The following EXD1 variants were observed in gnomAD, a reference collection of about 807,000 sequenced individuals.
EXD1 encodes the protein piRNA biogenesis protein EXD1.
EXD1 carries 63 observed loss-of-function variants against 49.1 expected under a neutral mutation model. The ratio of observed to expected loss-of-function variants is 1.28; its 90% CI spans 1.05 to 1.58. EXD1 has a LOEUF of 1.58. EXD1 is among the 40% of genes most tolerant of loss of function. EXD1 has a pLI of 0.00. For synonymous variants in EXD1, 234 were observed against 239.2 expected, an observed-to-expected ratio of 0.98 and a Z score of 0.20; for missense variants, 748 against 666.0, an observed-to-expected ratio of 1.12 and a Z score of -1.36.
chr15:41,214,156 C>A (rs1463311462), intron 6 of EXD1, among the ~76,000 whole-genome samples: 1 of 151,630 alleles, frequency 6.6e-6, no homozygotes, highest in Non-Finnish European at 1.5e-5. Flanking sequence ...GAAAGAGACT[C>A]CATCTCAAAA....
In EXD1 at chr15:41,226,449, T is replaced by A. The variant is rs1260192519; in HGVS notation, c.127A>T (p.Lys43Ter). The A allele has an allele frequency of 1.3e-6, 2 of 1,535,902 alleles. No homozygotes were observed. The highest frequency in any genetic ancestry group is 3.9e-5 in the Admixed American group (2 of 50,944). ...ATAAGAAATAGAACAAGACCTTTCT[T>A]CAGGACAACAATCTTATTAGGGTCA... is the stretch of plus-strand genomic sequence containing the variant. The part of the protein sequence containing the change: ...HVDPNKIVVL[K>*]KVKNVETGRS... Residue 43 changes from lysine (K) to a stop codon, truncating the protein, a stop_gained, in exon 2 of 12, where the codon AAG (lysine) becomes TAG (stop). Coordinates refer to ENST00000458580, the MANE Select transcript of EXD1 (RefSeq NM_001286441.2). LOFTEE classifies it high-confidence loss of function.
At chr15:41,230,421 A>C in intron 1 of EXD1, 58 bp downstream of exon 1, 1 of 1,561,190 alleles carries the variant, frequency 6.4e-7, no homozygotes, top group East Asian at 2.2e-5. Context: ...CCATGAGAAT[A>C]AAATGCAAAA....
chr15:41,216,056 T>G (rs551607513), intron 5 of EXD1, among the ~76,000 whole-genome samples: 1 of 152,136 alleles, frequency 6.6e-6, no homozygotes, highest in East Asian at 1.9e-4. Flanking sequence ...ATTTAGCATC[T>G]GTTTGCTGCT....
intron 2 of EXD1, among the ~76,000 whole-genome samples, chr15:41,223,851 C>A (rs1390243803): frequency 6.6e-5 from 10 of 151,384 alleles, no homozygotes; most frequent in Non-Finnish European, 1.5e-4. Context: ...GGTGACACAG[C>A]GAGACTCTGT....
chr15:41,184,285 G>A lies in EXD1; in HGVS notation c.1365C>T (p.Pro455=). The A allele has an allele frequency of 1.9e-6, 3 of 1,614,132 alleles. No homozygotes were observed. Among genetic ancestry groups the A allele is most frequent in the Non-Finnish European group, 2.5e-6 (3 of 1,180,004 alleles). Residue 455 remains proline (P), a synonymous_variant, in exon 12 of 12, where the codon CCC becomes CCT. Transcript: ENST00000458580. The stretch of plus-strand genomic sequence containing the variant: ...CCTCACTGGTTTCCCCTTCCTCTGT[G>A]GGAGGTAGATGTTGAGGATTTGTAG... ...KQATNPQHLP[P]TEEGETSEDS...
chr15:41,201,485 ATTTTTTT>A (rs10618622), intron 7 of EXD1, among the ~76,000 whole-genome samples: 1 of 89,186 alleles, frequency 1.1e-5, no homozygotes, highest in African/African-American at 4.3e-5. Flanking sequence ...AGAATTCTAG[ATTTTTTT>A]TTTTTTTTTT....
At chr15:41,204,491 C>T (rs1317159717) in intron 7 of EXD1, among the ~76,000 whole-genome samples, 5 of 152,092 alleles carry the variant, frequency 3.3e-5, no homozygotes, top group Non-Finnish European at 4.4e-5. Context: ...ATGGAGGCTG[C>T]AGTGAGCCAA....
chr15:41,219,968 C>A, intron 2 of EXD1, 70 bp from the exon 3 acceptor site: 1 of 1,192,264 alleles, frequency 8.4e-7, no homozygotes, highest in Non-Finnish European at 1.2e-6. Context: ...TATGATGCCT[C>A]TCAAAATTTC....
chr15:41,192,594 ATTTTTTTTTTTTTTTTTT>A (rs59054803), intron 9 of EXD1, among the ~76,000 whole-genome samples: 18 of 40,836 alleles, frequency 4.4e-4, no homozygotes, highest in South Asian at 9.9e-4. Flanking sequence ...TGCGCCAGGC[ATTTTTTTTTTTTTTTTTT>A]TTTTTTTTTT....
intron 6 of EXD1, 44 bp from the exon 7 acceptor site, chr15:41,209,631 T>C (rs765364313): frequency 3.2e-6 from 5 of 1,544,402 alleles, no homozygotes; most frequent in Admixed American, 3.4e-5. Flanking sequence ...AGGGAATAAA[T>C]GTTGGCATGA....
In EXD1 at chr15:41,226,588, C is replaced by T. The variant is rs1281115658; in HGVS notation, c.-13G>A. On this transcript the variant is annotated 5_prime_UTR_variant, in exon 2 of 12. Transcript: ENST00000458580. ...TGCTGGGGTCCATGCTAATTGATTCCAAAAGCCGTCTTCAAATAATCTTCT... is the reference window on the plus strand; with the variant it reads ...TGCTGGGGTCCATGCTAATTGATTCTAAAAGCCGTCTTCAAATAATCTTCT... 4.6e-6 allele frequency: 7 copies of T among 1,529,820 alleles called. No homozygotes were observed. The highest frequency in any genetic ancestry group is 1.7e-4 in the Middle Eastern group (1 of 5,990). 94.8% of individuals were successfully genotyped at this position (1,529,820 alleles called of 1,614,324 possible).
In EXD1 at chr15:41,230,619, AGGAAGAAGTCTC is replaced by A; in HGVS notation, c.-206_-195del. The A allele has an allele frequency of 1.3e-6, 2 of 1,519,074 alleles. No homozygotes were observed. Among genetic ancestry groups the A allele is most frequent in the Non-Finnish European group, 9.1e-7 (1 of 1,102,754 alleles). 94.1% of individuals were successfully genotyped at this position (1,519,074 alleles called of 1,614,324 possible). On this transcript the variant is annotated 5_prime_UTR_variant, in exon 1 of 12. Transcript: ENST00000458580. Reference sequence around the variant, plus strand: ...ACTAAAAGAAGAGGGGCTGCAATGAAGGAAGAAGTCTCGGGACGCTCCACGCCACCCGGCGGC... The same window carrying A: ...ACTAAAAGAAGAGGGGCTGCAATGAAGGGACGCTCCACGCCACCCGGCGGC...
In EXD1 at chr15:41,196,019, C is replaced by G. The variant is rs2046607396; in HGVS notation, c.553G>C (p.Val185Leu). 2 of 1,612,910 alleles carry G rather than the reference C, an allele frequency of 1.2e-6. No homozygotes were observed. Among genetic ancestry groups the G allele is most frequent in the African/African-American group, 1.3e-5 (1 of 75,038 alleles). The part of the protein sequence containing the change: ...CWLQVATNCR[V>L]YLFDIFLLGS... The stretch of plus-strand genomic sequence containing the variant: ...AGAAGGAAAATGTCAAATAAGTAAA[C>G]TCGGCAATTTGTGGCCACCTACAAT... The change falls in exon 8 of 12, where the codon GTT becomes CTT. Residue 185 changes from valine to leucine, a missense_variant. Transcript: ENST00000458580.
intron 6 of EXD1, among the ~76,000 whole-genome samples, chr15:41,211,197 G>A (rs1159333635): frequency 1.3e-5 from 2 of 152,002 alleles, no homozygotes; most frequent in Admixed American, 6.6e-5. Context: ...CTGCAGCTTC[G>A]ACCTCCGGGG....
At chr15:41,193,441 TG>T (rs879366576) in intron 9 of EXD1, among the ~76,000 whole-genome samples, 87 of 151,922 alleles carry the variant, frequency 5.7e-4, no homozygotes, top group Admixed American at 4.1e-3. Context: ...ACTCCGTTTC[TG>T]GGGGGGAAAA....
chr15:41,229,423 C>A (rs1168142087), intron 1 of EXD1, among the ~76,000 whole-genome samples: 2 of 151,630 alleles, frequency 1.3e-5, no homozygotes, highest in Admixed American at 1.3e-4. Flanking sequence ...TGCAGTGAGC[C>A]GAAAATGCAC....
chr15:41,214,550 C>T (rs919722182), intron 6 of EXD1, among the ~76,000 whole-genome samples: 1 of 151,836 alleles, frequency 6.6e-6, no homozygotes, highest in Non-Finnish European at 1.5e-5. Context: ...TCTGAAACTG[C>T]CAATGGCTTT....
chr15:41,199,829 CA>C (rs1422837435), intron 7 of EXD1, among the ~76,000 whole-genome samples: 6 of 95,246 alleles, frequency 6.3e-5, no homozygotes, highest in African/African-American at 1.6e-4. Context: ...AGATATATGT[CA>C]ATATATGATA....
intron 3 of EXD1, among the ~76,000 whole-genome samples, chr15:41,218,745 C>T (rs540091969): frequency 1.4e-4 from 22 of 152,188 alleles, no homozygotes; most frequent in African/African-American, 3.9e-4. Flanking sequence ...CTATCCCTGC[C>T]ATTATAAAAG....
Sources: allele counts gnomAD v4.1 joint callset (sites outside exome capture counted in the v4.1 genomes callset), GRCh38; gene constraint gnomAD v4.1.1; transcripts MANE v1.5; gene names NCBI Gene and HGNC (gene_info 2026-07-23, HGNC 2026-07-21).